Variants in STAU1 observed in about 807,000 individuals in gnomAD.
STAU1 encodes staufen double-stranded RNA binding protein 1.
A neutral mutation model predicts 62.9 loss-of-function variants in STAU1; 13 were observed. The ratio of observed to expected loss-of-function variants is 0.21; its 90% CI spans 0.13 to 0.33. The LOEUF (loss-of-function observed/expected upper bound fraction) is 0.33. Ranked by LOEUF, STAU1 falls within the 10% of genes least tolerant of loss-of-function variation. The pLI is 1.00. For synonymous variants in STAU1, 269 were observed against 265.1 expected, an observed-to-expected ratio of 1.01 and a Z score of -0.14; for missense variants, 571 against 712.1, an observed-to-expected ratio of 0.80 and a Z score of 2.25.
chr20:49,194,417 G>A, the STAU1 span, among the ~76,000 whole-genome samples: 6 of 120,374 alleles, frequency 5.0e-5, no homozygotes, highest in South Asian at 5.6e-4. Flanking sequence ...CAACAAGAGC[G>A]AAACTCCGTC....
intron 5 of STAU1, among the ~76,000 whole-genome samples, chr20:49,149,961 A>G (rs373669441): frequency 1.1e-4 from 16 of 152,308 alleles, no homozygotes; most frequent in African/African-American, 3.4e-4. Context: ...CTTTGTGAAC[A>G]TGTTTCCTGG....
intron 1 of STAU1, among the ~76,000 whole-genome samples, chr20:49,182,289 A>G (rs923807775): frequency 6.6e-6 from 1 of 152,234 alleles, no homozygotes; most frequent in Admixed American, 6.5e-5. Context: ...CACTTAAAAA[A>G]CAAATTAAGC....
chr20:49,210,306 C>T, the STAU1 span: 54 of 398,730 alleles, frequency 1.4e-4, no homozygotes, highest in South Asian at 5.1e-4. Context: ...AATGTCTTTT[C>T]GTTCTCACAC....
At chr20:49,161,097 T>C (rs962113474) in intron 3 of STAU1, among the ~76,000 whole-genome samples, 1 of 151,934 alleles carries the variant, frequency 6.6e-6, no homozygotes, top group Non-Finnish European at 1.5e-5. Context: ...GGCAGGCAGA[T>C]TGTTTGAGCC....
Position 49,169,446 on chromosome 20 carries a change from G to T in STAU1, c.-84-3161C>A, listed in dbSNP as rs138791914. The stretch of plus-strand genomic sequence containing the variant: ...GTGGAACTTTGGAAATAGAACTTCT[G>T]TGTAAATTCTAAACCTGTTGCTCAA... On this transcript the variant is annotated intron_variant, in intron 2 of 13. Transcript: ENST00000371856. 2.0e-3 allele frequency among the ~76,000 whole-genome samples: 301 copies of T among 152,308 alleles called. 1 individual carries two copies. The highest frequency in any genetic ancestry group is 6.9e-3 in the African/African-American group (286 of 41,578).
chr20:49,193,637 A>G, the STAU1 span, among the ~76,000 whole-genome samples: 319 of 146,674 alleles, frequency 2.2e-3, 2 homozygotes, highest in African/African-American at 7.7e-3. Flanking sequence ...TACCACTGCA[A>G]CTCCAGCCTG....
At chr20:49,215,303 CTT>C in the STAU1 span, among the ~76,000 whole-genome samples, 1 of 152,212 alleles carries the variant, frequency 6.6e-6, no homozygotes, top group Non-Finnish European at 1.5e-5. Context: ...TCAGGCCCCT[CTT>C]GTTGACCCGC....
intron 1 of STAU1, among the ~76,000 whole-genome samples, chr20:49,185,137 G>C (rs2093772136): frequency 6.6e-6 from 1 of 152,158 alleles, no homozygotes; most frequent in Non-Finnish European, 1.5e-5. Flanking sequence ...ACAATTCTAT[G>C]TTAGAAGATT....
chr20:49,185,239 A>C (rs2093773245), intron 1 of STAU1, among the ~76,000 whole-genome samples: 1 of 152,220 alleles, frequency 6.6e-6, no homozygotes, highest in South Asian at 2.1e-4. Flanking sequence ...TGAATTATTA[A>C]CTGTAGTTTA....
chr20:49,218,445 T>C, the STAU1 span, among the ~76,000 whole-genome samples: 1 of 151,546 alleles, frequency 6.6e-6, no homozygotes, highest in African/African-American at 2.4e-5. Context: ...CAGGATGGTC[T>C]CGATCTCCTG....
chr20:49,135,684 G>A (rs2092864960), intron 6 of STAU1, 149 bp downstream of exon 6: 1 of 660,664 alleles, frequency 1.5e-6, no homozygotes, highest in East Asian at 2.7e-5. Context: ...AATAAACACT[G>A]CTTCACTAAA....
At position 49,166,053 on chromosome 20, in the gene STAU1, G is replaced by C; in HGVS notation, c.149C>G (p.Pro50Arg). ...SSLPSENAGR[P>R]IQNSALPSAS... Reference sequence around the variant, plus strand: ...AGAGGGTAAAGCAGAGTTTTGAATGGGTCTACCTGCATTTTCAGAGGGCAG... The same window carrying C: ...AGAGGGTAAAGCAGAGTTTTGAATGCGTCTACCTGCATTTTCAGAGGGCAG... Residue 50 changes from proline (P) to arginine (R), a missense_variant, in exon 3 of 14, where the codon CCC (proline) becomes CGC (arginine). Transcript: ENST00000371856. The C allele has an allele frequency of 6.2e-7, 1 of 1,614,136 alleles. No homozygotes were observed. Among genetic ancestry groups the C allele is most frequent in the Non-Finnish European group, 8.5e-7 (1 of 1,180,030 alleles).
intron 5 of STAU1, among the ~76,000 whole-genome samples, chr20:49,142,860 T>C (rs571764456): frequency 3.3e-5 from 5 of 152,336 alleles, no homozygotes; most frequent in South Asian, 4.1e-4. Flanking sequence ...TGCAGTGCAA[T>C]GGCATAATCA....
intron 5 of STAU1, among the ~76,000 whole-genome samples, chr20:49,143,017 T>C (rs903917949): frequency 1.3e-5 from 2 of 151,960 alleles, no homozygotes; most frequent in African/African-American, 4.8e-5. Flanking sequence ...TCCAGGATGG[T>C]CTCAAACTCC....
upstream of STAU1, among the ~76,000 whole-genome samples, chr20:49,191,278 C>T (rs574576406): frequency 3.3e-5 from 5 of 152,252 alleles, no homozygotes; most frequent in East Asian, 1.9e-4. Flanking sequence ...CCACCCGCCT[C>T]GGCCTCCCAA....
At chr20:49,199,019 A>G in the STAU1 span, among the ~76,000 whole-genome samples, 2 of 146,144 alleles carry the variant, frequency 1.4e-5, no homozygotes, top group Non-Finnish European at 3.0e-5. Context: ...GGTGGTGGGC[A>G]CCTGTAATCC....
intron 1 of STAU1, among the ~76,000 whole-genome samples, chr20:49,182,576 C>G (rs1050638090): frequency 1.3e-5 from 2 of 152,152 alleles, no homozygotes; most frequent in African/African-American, 4.8e-5. Flanking sequence ...CAGTGGCTCA[C>G]GCCTGTAATC....
intron 6 of STAU1, among the ~76,000 whole-genome samples, chr20:49,135,414 G>A (rs1390150780): frequency 6.6e-6 from 1 of 152,178 alleles, no homozygotes; most frequent in East Asian, 1.9e-4. Context: ...CAGGAATTGA[G>A]GGCAGACGCT....
chr20:49,218,280 A>G, the STAU1 span, among the ~76,000 whole-genome samples: 2 of 146,728 alleles, frequency 1.4e-5, no homozygotes, highest in East Asian at 4.0e-4. Flanking sequence ...GCTGGAGTGC[A>G]GTGGCACGAT....
Sources: gnomAD v4.1 joint callset for allele counts (sites outside exome capture counted in the v4.1 genomes callset) on GRCh38, gnomAD v4.1.1 for gene constraint, MANE v1.5 for transcripts, NCBI Gene and HGNC (gene_info 2026-07-23, HGNC 2026-07-21) for gene names.